HIRA: variants seen among roughly 807,000 people sequenced by gnomAD.
The protein encoded by HIRA is protein HIRA.
In HIRA, 13 loss-of-function variants were observed where a neutral mutation model predicts 126.6. The observed-to-expected ratio is 0.10, with a 90% CI of 0.07 to 0.16. HIRA has a LOEUF of 0.16. HIRA is among the 10% of genes least tolerant of loss of function. The pLI, the probability that HIRA is intolerant of heterozygous loss-of-function variation, is 1.00. For missense variants in HIRA, 834 were observed against 1,314.4 expected (o/e 0.63, Z 5.65); for synonymous variants, 511 against 520.0 (o/e 0.98, Z 0.24).
chr22:19,425,039 C>A (rs1483508713), intron 1 of HIRA, among the ~76,000 whole-genome samples: 1 of 152,110 alleles, frequency 6.6e-6, no homozygotes, highest in African/African-American at 2.4e-5. Flanking sequence ...GCAGACGTCC[C>A]CTCCTAGTCT....
At chr22:19,366,996 C>G (rs1355667062) in intron 15 of HIRA, among the ~76,000 whole-genome samples, 1 of 152,198 alleles carries the variant, frequency 6.6e-6, no homozygotes, top group Non-Finnish European at 1.5e-5. Flanking sequence ...CTCCTGACCT[C>G]AGATGAACCA....
intron 24 of HIRA, among the ~76,000 whole-genome samples, chr22:19,341,294 T>C (rs1556007448): frequency 6.6e-6 from 1 of 151,678 alleles, no homozygotes; most frequent in Non-Finnish European, 1.5e-5. Flanking sequence ...TTACAAAACA[T>C]ACAAAAATTA....
chr22:19,372,241 A>G (rs1030007887), intron 15 of HIRA, among the ~76,000 whole-genome samples: 1 of 152,186 alleles, frequency 6.6e-6, no homozygotes, highest in African/African-American at 2.4e-5. Flanking sequence ...TAGGACCAAC[A>G]CTTATTATCT....
At chr22:19,376,817 A>G (rs1196263938) in intron 14 of HIRA, among the ~76,000 whole-genome samples, 1 of 152,194 alleles carries the variant, frequency 6.6e-6, no homozygotes, top group Non-Finnish European at 1.5e-5. Flanking sequence ...GTATCCCAGA[A>G]GCAGGGGGCT....
chr22:19,391,520 T>C (rs1320058260), intron 9 of HIRA, among the ~76,000 whole-genome samples: 3 of 151,262 alleles, frequency 2.0e-5, no homozygotes, highest in Non-Finnish European at 3.0e-5. Context: ...CTCGCTCTGT[T>C]GCCCAGGCTG....
chr22:19,414,450 C>T (rs2089378911), intron 1 of HIRA, among the ~76,000 whole-genome samples: 3 of 152,278 alleles, frequency 2.0e-5, no homozygotes, highest in Admixed American at 6.5e-5. Context: ...CCTTCCCTCT[C>T]AGCAGTCCCA....
chr22:19,362,379 G>C (rs1345424604), intron 15 of HIRA, among the ~76,000 whole-genome samples: 1 of 152,168 alleles, frequency 6.6e-6, no homozygotes, highest in African/African-American at 2.4e-5. Flanking sequence ...TGGTACCAAT[G>C]TCATAGGGCA....
intron 24 of HIRA, among the ~76,000 whole-genome samples, chr22:19,348,088 A>G (rs1556009470): frequency 2.0e-5 from 3 of 152,230 alleles, no homozygotes; most frequent in Admixed American, 6.5e-5. Context: ...ACTAGCCTCT[A>G]TACCAGCTGG....
chr22:19,429,699 T>C (rs1036041826), intron 1 of HIRA, among the ~76,000 whole-genome samples: 2 of 152,210 alleles, frequency 1.3e-5, no homozygotes, highest in Non-Finnish European at 2.9e-5. Context: ...CTTAAGCATC[T>C]TGACTTACTT....
chr22:19,416,614 T>C (rs1419286827), intron 1 of HIRA, among the ~76,000 whole-genome samples: 3 of 152,188 alleles, frequency 2.0e-5, no homozygotes, highest in Non-Finnish European at 4.4e-5. Context: ...GCTAGGATTA[T>C]AGGCGTGCAC....
chr22:19,361,508 C>G (rs1389634537), intron 16 of HIRA, among the ~76,000 whole-genome samples, 167 bp from the exon 17 acceptor site: 1 of 152,190 alleles, frequency 6.6e-6, no homozygotes, highest in Admixed American at 6.5e-5. Flanking sequence ...CATGGACAAG[C>G]CAGTTGATGC....
chr22:19,396,603 G>A (rs569195546), intron 7 of HIRA, among the ~76,000 whole-genome samples, 184 bp downstream of exon 7: 1 of 152,370 alleles, frequency 6.6e-6, no homozygotes, highest in Admixed American at 6.5e-5. Flanking sequence ...GAAGGATTCT[G>A]TATTATCTGA....
At chr22:19,406,105 C>A (rs527922891) in intron 4 of HIRA, among the ~76,000 whole-genome samples, 2 of 152,060 alleles carry the variant, frequency 1.3e-5, no homozygotes, top group East Asian at 3.9e-4. Context: ...AAAACGTTCA[C>A]AATAAGTGAA....
intron 5 of HIRA, among the ~76,000 whole-genome samples, chr22:19,402,499 A>G (rs2089277331): frequency 6.6e-6 from 1 of 152,232 alleles, no homozygotes; most frequent in Admixed American, 6.5e-5. Flanking sequence ...AAAGACCAAT[A>G]ATTTAAAATT....
chr22:19,391,185 G>A (rs2089177921), intron 9 of HIRA, among the ~76,000 whole-genome samples: 1 of 152,176 alleles, frequency 6.6e-6, no homozygotes, highest in South Asian at 2.1e-4. Flanking sequence ...ATACTGTTAA[G>A]TGCAGCAACA....
intron 14 of HIRA, among the ~76,000 whole-genome samples, chr22:19,376,401 A>G (rs1451771362): frequency 6.6e-6 from 1 of 151,960 alleles, no homozygotes; most frequent in Non-Finnish European, 1.5e-5. Flanking sequence ...CCAAGCCCAC[A>G]CCACACGCTT....
chr22:19,356,807 C>G (rs1556012670), intron 19 of HIRA, 83 bp downstream of exon 19: 1 of 1,375,836 alleles, frequency 7.3e-7, no homozygotes, highest in Non-Finnish European at 1.0e-6. Flanking sequence ...CCACTGCCTT[C>G]CCTGCCCCTG....
chr22:19,415,066 C>A (rs997850119), intron 1 of HIRA, among the ~76,000 whole-genome samples: 9 of 152,100 alleles, frequency 5.9e-5, no homozygotes, highest in African/African-American at 2.2e-4. Context: ...CTGCCTCAGC[C>A]TCCCGAGTAG....
intron 1 of HIRA, among the ~76,000 whole-genome samples, chr22:19,421,821 G>GCCA (rs1323680413): frequency 6.6e-6 from 1 of 152,190 alleles, no homozygotes; most frequent in Non-Finnish European, 1.5e-5. Context: ...ACAGGTACAT[G>GCCA]CCACCACACC....
Sources: allele counts gnomAD v4.1 joint callset (sites outside exome capture counted in the v4.1 genomes callset), GRCh38; gene constraint gnomAD v4.1.1; transcripts MANE v1.5; gene names NCBI Gene and HGNC (gene_info 2026-07-23, HGNC 2026-07-21).